SMAP1: variants seen among roughly 807,000 people sequenced by gnomAD.
SMAP1 encodes the protein stromal membrane-associated protein 1.
A neutral mutation model predicts 58.5 loss-of-function variants in SMAP1; 24 were observed. That is an observed-to-expected ratio of 0.41 (90% CI 0.30 to 0.58). The LOEUF is 0.58. Ranked by LOEUF, SMAP1 falls within the 20% of genes least tolerant of loss-of-function variation. The pLI is 0.29. For missense variants in SMAP1, 563 were observed against 566.3 expected, an observed-to-expected ratio of 0.99 and a Z score of 0.06; for synonymous variants, 216 against 196.6, an observed-to-expected ratio of 1.10 and a Z score of -0.82.
At chr6:70,856,776 A>G in intron 8 of SMAP1, 83 bp from the exon 9 acceptor site, 2 of 1,371,880 alleles carry the variant, frequency 1.5e-6, no homozygotes, top group East Asian at 2.4e-5. Context: ...ATCTAATTTT[A>G]TAACTTTATT....
rs914716334 is a variant in SMAP1 at position 70,785,833 on chromosome 6, T to C, written c.415-5856T>C. On this transcript the variant is annotated intron_variant, in intron 4 of 10. Coordinates refer to ENST00000370455, the MANE Select transcript of SMAP1 (RefSeq NM_001044305.3). ...CAATAGTTTACCAACCAAAAAGAGTTCAGGACCAGATGGATTCACAGCCGA... is the reference window on the plus strand; with the variant it reads ...CAATAGTTTACCAACCAAAAAGAGTCCAGGACCAGATGGATTCACAGCCGA... 4.6e-5 allele frequency among the ~76,000 whole-genome samples: 7 copies of C among 151,890 alleles called. No individual in the cohort carries two copies. The East Asian group carries it at 5.8e-4, about 13-fold the overall frequency.
chr6:70,841,857 A>G (rs1456094914), intron 7 of SMAP1, among the ~76,000 whole-genome samples: 1 of 152,232 alleles, frequency 6.6e-6, no homozygotes, highest in African/African-American at 2.4e-5. Flanking sequence ...ACCCAGTTTT[A>G]TATGAGAGAG....
At chr6:70,759,630 CTG>C (rs1190492690) in intron 3 of SMAP1, among the ~76,000 whole-genome samples, 2 of 152,084 alleles carry the variant, frequency 1.3e-5, no homozygotes, top group African/African-American at 4.8e-5. Context: ...GGTAGGAATA[CTG>C]TTTCTTCATT....
chr6:70,674,031 C>G (rs1012926826), intron 1 of SMAP1, among the ~76,000 whole-genome samples: 2 of 152,148 alleles, frequency 1.3e-5, no homozygotes, highest in African/African-American at 4.8e-5. Flanking sequence ...TAACCTATAA[C>G]AGACTTGAAT....
intron 1 of SMAP1, among the ~76,000 whole-genome samples, chr6:70,675,195 A>G (rs1766427571): frequency 1.7e-5 from 2 of 115,018 alleles, no homozygotes; most frequent in African/African-American, 6.8e-5. Context: ...CAAATTATAT[A>G]GTGTTTTTTT....
intron 2 of SMAP1, 30 bp downstream of exon 2, chr6:70,732,541 A>T (rs773659955): frequency 6.8e-7 from 1 of 1,465,124 alleles, no homozygotes; most frequent in Non-Finnish European, 9.1e-7. Context: ...GAAATTATTT[A>T]AAATATTTAA....
At chr6:70,692,571 T>C (rs1476489083) in intron 1 of SMAP1, among the ~76,000 whole-genome samples, 1 of 152,242 alleles carries the variant, frequency 6.6e-6, no homozygotes, top group African/African-American at 2.4e-5. Flanking sequence ...AAGCCTTTAA[T>C]CTATTTTGAC....
At chr6:70,856,006 T>C (rs1284637000) in intron 8 of SMAP1, among the ~76,000 whole-genome samples, 2 of 152,232 alleles carry the variant, frequency 1.3e-5, no homozygotes, top group African/African-American at 4.8e-5. Context: ...CATTAAATGT[T>C]TGAATTTAAT....
intron 9 of SMAP1, 93 bp downstream of exon 9, chr6:70,857,123 C>T (rs1219741277): frequency 8.0e-7 from 1 of 1,247,922 alleles, no homozygotes; most frequent in Admixed American, 2.6e-5. Context: ...TTTTATTGTT[C>T]CATGTAGTGA....
chr6:70,855,331 T>C (rs544853359), intron 8 of SMAP1, among the ~76,000 whole-genome samples: 5 of 152,254 alleles, frequency 3.3e-5, no homozygotes, highest in Non-Finnish European at 7.4e-5. Context: ...TCCTGCTGAT[T>C]GGTTTGGCTG....
chr6:70,705,444 G>A (rs1017178685), intron 1 of SMAP1, among the ~76,000 whole-genome samples: 3 of 151,878 alleles, frequency 2.0e-5, no homozygotes, highest in African/African-American at 7.3e-5. Flanking sequence ...GTAGAGCTGG[G>A]GTTTCATCAT....
At chr6:70,796,406 A>G (rs1768608840) in intron 5 of SMAP1, among the ~76,000 whole-genome samples, 1 of 152,126 alleles carries the variant, frequency 6.6e-6, no homozygotes, top group African/African-American at 2.4e-5. Flanking sequence ...ACTTCTTAAG[A>G]TTTTGTTTCT....
intron 1 of SMAP1, chr6:70,693,890 C>T (rs1767289738): frequency 6.5e-6 from 1 of 153,002 alleles, no homozygotes; most frequent in Non-Finnish European, 1.5e-5. Flanking sequence ...TTTGGATACC[C>T]AGCTTCTCTT....
At chr6:70,816,947 C>T (rs572387003) in intron 6 of SMAP1, among the ~76,000 whole-genome samples, 2 of 151,704 alleles carry the variant, frequency 1.3e-5, no homozygotes, top group Non-Finnish European at 2.9e-5. Flanking sequence ...ATAAAATGAA[C>T]ACAAAAGAAG....
intron 4 of SMAP1, among the ~76,000 whole-genome samples, chr6:70,775,005 G>A (rs1286321705): frequency 1.1e-4 from 16 of 147,658 alleles, no homozygotes; most frequent in Non-Finnish European, 2.2e-4. Context: ...GTAAGATTCT[G>A]TGTCAAAAAA....
chr6:70,685,848 G>A (rs948930251), intron 1 of SMAP1, among the ~76,000 whole-genome samples: 8 of 152,106 alleles, frequency 5.3e-5, no homozygotes, highest in African/African-American at 1.9e-4. Flanking sequence ...AAGGAAGACT[G>A]TAAGGAAAAC....
chr6:70,723,113 T>C (rs1044133006), intron 1 of SMAP1, among the ~76,000 whole-genome samples: 3 of 152,168 alleles, frequency 2.0e-5, no homozygotes, highest in African/African-American at 7.2e-5. Flanking sequence ...CTTTTGTTTG[T>C]TTGTTTGGAC....
Position 70,722,673 on chromosome 6 carries a change from C to A in SMAP1, c.119-9705C>A, listed in dbSNP as rs1768582158. Among the ~76,000 whole-genome samples the A allele has an allele frequency of 2.0e-5, 3 of 152,176 alleles. No homozygotes were observed. In the South Asian group the frequency reaches 6.2e-4, roughly 31 times the overall value. On this transcript the variant is annotated intron_variant, in intron 1 of 10. Coordinates refer to ENST00000370455, the MANE Select transcript of SMAP1 (RefSeq NM_001044305.3). ...AGCAAGCCAGTGATAACCATTGTTT[C>A]TATAGATTATAGATTAACTAAAAGT...
intron 7 of SMAP1, among the ~76,000 whole-genome samples, chr6:70,848,849 A>T (rs185200982): frequency 7.9e-5 from 12 of 152,344 alleles, no homozygotes; most frequent in Non-Finnish European, 1.6e-4. Context: ...TTGTAAGTAA[A>T]ATTAGCAACT....
Sources: gnomAD v4.1 joint callset for allele counts (sites outside exome capture counted in the v4.1 genomes callset) on GRCh38, gnomAD v4.1.1 for gene constraint, MANE v1.5 for transcripts, NCBI Gene and HGNC (gene_info 2026-07-23, HGNC 2026-07-21) for gene names.